The following MAU2 variants were observed in gnomAD, a reference collection of about 807,000 sequenced individuals.
The protein encoded by MAU2 is MAU2 chromatid cohesion factor homolog.
In MAU2, 9 loss-of-function variants were observed where a neutral mutation model predicts 89.1. The observed-to-expected ratio is 0.10, with a 90% CI of 0.06 to 0.18. The LOEUF (loss-of-function observed/expected upper bound fraction) is 0.18. MAU2 is among the 10% of genes least tolerant of loss of function. The pLI is 1.00. For synonymous variants in MAU2, 357 were observed against 343.4 expected (o/e 1.04, Z -0.44); for missense variants, 425 against 803.5 (o/e 0.53, Z 5.69).
intron 7 of MAU2, among the ~76,000 whole-genome samples, chr19:19,341,976 C>T (rs567355782): frequency 2.6e-5 from 4 of 152,272 alleles, no homozygotes; most frequent in African/African-American, 4.8e-5. Context: ...AGGCGAGTCT[C>T]CACAGGGCTT....
At chr19:19,328,629 G>A (rs2061530770) in intron 1 of MAU2, among the ~76,000 whole-genome samples, 1 of 151,966 alleles carries the variant, frequency 6.6e-6, no homozygotes, top group African/African-American at 2.4e-5. Flanking sequence ...CACCATGTTA[G>A]CCAGGATGGT....
chr19:19,351,678 C>CA (rs959590954), intron 16 of MAU2, among the ~76,000 whole-genome samples: 31 of 138,232 alleles, frequency 2.2e-4, no homozygotes, highest in East Asian at 4.2e-4. Context: ...AGATCCGTCT[C>CA]AAAAAAAAAA....
At chr19:19,337,354 C>G (rs1384003256) in intron 4 of MAU2, 89 bp downstream of exon 4, 1 of 1,018,936 alleles carries the variant, frequency 9.8e-7, no homozygotes, top group African/African-American at 1.6e-5. Context: ...CAGCAGAGTC[C>G]ACGATGCGCA....
chr19:19,355,808 G>A lies in MAU2; in HGVS notation c.*26G>A, dbSNP rs376931630. 9.4e-6 allele frequency: 15 copies of A among 1,595,338 alleles called. No homozygotes were observed. The highest frequency in any genetic ancestry group is 3.3e-4 in the Middle Eastern group (2 of 6,042). On this transcript the variant is annotated 3_prime_UTR_variant, in exon 19 of 19. Coordinates refer to ENST00000262815, the MANE Select transcript of MAU2 (RefSeq NM_015329.4). ...GGCCTTGATGGGGCCATCCAGCTCC[G>A]CAGGGCCTGCGCGTCTCCGGCTTCC...
intron 1 of MAU2, among the ~76,000 whole-genome samples, chr19:19,327,113 C>T (rs1295635223): frequency 6.8e-6 from 1 of 147,894 alleles, no homozygotes; most frequent in African/African-American, 2.5e-5. Flanking sequence ...ACACAGCCTC[C>T]CCAGGAGCTT....
At position 19,345,651 on chromosome 19, in the gene MAU2, G is replaced by GAAA. The variant is rs1169853483; in HGVS notation, c.1221+284_1221+285insAAA. ...GGACACCACTTTCATGCCTGAGTGG[G>GAAA]AACTTTTGCGGCACCCACCCCCAAG... On this transcript the variant is annotated intron_variant, in intron 12 of 18. Transcript: ENST00000262815. The surrounding 1 kb of genome is among the most constrained non-coding windows in gnomAD (Gnocchi z 4.9). 6.6e-6 allele frequency among the ~76,000 whole-genome samples: 1 copy of GAAA among 152,188 alleles called. No homozygotes were observed. Among genetic ancestry groups the GAAA allele is most frequent in the Non-Finnish European group, 1.5e-5 (1 of 68,030 alleles).
intron 1 of MAU2, among the ~76,000 whole-genome samples, chr19:19,323,280 C>T (rs914825031): frequency 1.6e-4 from 24 of 151,672 alleles, no homozygotes; most frequent in African/African-American, 5.1e-4. Flanking sequence ...CTGCAACTTC[C>T]GTCTCGTGGG....
intron 1 of MAU2, among the ~76,000 whole-genome samples, chr19:19,334,840 C>T (rs980470841): frequency 2.0e-5 from 3 of 152,218 alleles, no homozygotes; most frequent in Non-Finnish European, 2.9e-5. Context: ...ACATGCTGCC[C>T]TGCCCCATGC....
chr19:19,342,873 C>A lies in MAU2; in HGVS notation c.973+7C>A. ...CAGCTGGAGAAGCTCAAGAGTAAGT[C>A]AGGTGCTCGGCTGGCCACATGGCCA... On this transcript the variant is annotated splice_region_variant and intron_variant, in intron 9 of 18. Transcript: ENST00000262815. The A allele has an allele frequency of 6.2e-7, 1 of 1,613,524 alleles. No homozygotes were observed. Among genetic ancestry groups the A allele is most frequent in the South Asian group, 1.1e-5 (1 of 91,026 alleles).
At chr19:19,348,752 T>C in intron 13 of MAU2, 137 bp from the exon 14 acceptor site, 1 of 929,062 alleles carries the variant, frequency 1.1e-6, no homozygotes, top group Admixed American at 1.9e-5. Context: ...CTGCTCTTGC[T>C]GGTCAGTCAC....
chr19:19,345,356 C>T lies in MAU2; in HGVS notation c.1208C>T (p.Thr403Ile). 6.2e-7 allele frequency: 1 copy of T among 1,613,848 alleles called. No homozygotes were observed. The highest frequency in any genetic ancestry group is 8.5e-7 in the Non-Finnish European group (1 of 1,179,992). The change falls in exon 12 of 19, where the codon ACC becomes ATC. Residue 403 changes from threonine (T) to isoleucine (I), a missense_variant. This residue lies in a region of MAU2 where 66 missense variants were observed against 129.1 expected (regional missense o/e 0.51). Coordinates refer to ENST00000262815, the MANE Select transcript of MAU2 (RefSeq NM_015329.4). This position sits in a 1 kb window ranked among gnomAD's most constrained non-coding sequence, Gnocchi z 4.9. ...ATGGACAACGCGGAAGCCCAGTTCA[C>T]CACGGCCCTGCGGGTAAGGTGCCGG... ...NCMDNAEAQF[T>I]TALRLTNHQE...
At position 19,356,136 on chromosome 19, in the gene MAU2, T is replaced by C; in HGVS notation, c.*354T>C. 2.1e-6 allele frequency: 1 copy of C among 467,258 alleles called. No homozygotes were observed. The highest frequency in any genetic ancestry group is 3.5e-4 in the Middle Eastern group (1 of 2,860). 28.9% of individuals were successfully genotyped at this position (467,258 alleles called of 1,614,324 possible). A position where few individuals can be genotyped will look rare whatever the true frequency, so the allele number is the denominator to read the frequency against. ...TAATCCTGTGTGCCAGGGCAGGCAG[T>C]GCCCCAGGGGCACCACGCCTGACTC... is the stretch of plus-strand genomic sequence containing the variant. On this transcript the variant is annotated 3_prime_UTR_variant, in exon 19 of 19. Coordinates refer to ENST00000262815, the MANE Select transcript of MAU2 (RefSeq NM_015329.4).
chr19:19,333,760 ACCTCTG>A (rs1371242488), intron 1 of MAU2, among the ~76,000 whole-genome samples: 1 of 152,156 alleles, frequency 6.6e-6, no homozygotes, highest in African/African-American at 2.4e-5. Context: ...CGCCTTGCTT[ACCTCTG>A]CTGGGATGCA....
chr19:19,343,725 TG>T, intron 9 of MAU2, 111 bp from the exon 10 acceptor site: 1 of 744,260 alleles, frequency 1.3e-6, no homozygotes, highest in South Asian at 1.5e-5. Context: ...GATGACGGGG[TG>T]GGTGCCTAGC....
At chr19:19,328,822 A>G (rs7247309) in intron 1 of MAU2, among the ~76,000 whole-genome samples, 1 of 151,922 alleles carries the variant, frequency 6.6e-6, no homozygotes, top group Non-Finnish European at 1.5e-5. Context: ...GCCACCCAGG[A>G]CTAAATGCCG....
intron 17 of MAU2, among the ~76,000 whole-genome samples, chr19:19,354,812 C>T (rs949151133): frequency 2.0e-5 from 3 of 152,236 alleles, no homozygotes; most frequent in Non-Finnish European, 2.9e-5. Context: ...GGCGGGCACT[C>T]AGCGGGTATC....
chr19:19,323,475 T>A (rs1489119567), intron 1 of MAU2, among the ~76,000 whole-genome samples: 1 of 152,154 alleles, frequency 6.6e-6, no homozygotes, highest in Non-Finnish European at 1.5e-5. Context: ...ATTATAGGTG[T>A]GAGTCACCAC....
intron 12 of MAU2, among the ~76,000 whole-genome samples, chr19:19,346,428 C>CT (rs2061693319): frequency 6.6e-6 from 1 of 152,176 alleles, no homozygotes; most frequent in Non-Finnish European, 1.5e-5. Context: ...AAGAGAGCCT[C>CT]TTTTTCATGG....
intron 10 of MAU2, chr19:19,344,430 A>C (rs1428172096): frequency 8.4e-6 from 2 of 238,000 alleles, no homozygotes; most frequent in East Asian, 1.0e-4. Context: ...AAACCCAAAA[A>C]ACTAATGGGC....
Sources: allele counts gnomAD v4.1 joint callset (sites outside exome capture counted in the v4.1 genomes callset), GRCh38; gene constraint gnomAD v4.1.1; regional missense constraint gnomAD v4.1.1; non-coding constraint Gnocchi (gnomAD v3.1); transcripts MANE v1.5; gene names NCBI Gene and HGNC (gene_info 2026-07-23, HGNC 2026-07-21).